Variants in RASA1 observed in about 807,000 individuals in gnomAD.
RASA1 encodes the protein ras GTPase-activating protein 1.
Under a neutral mutation model 132.2 loss-of-function variants are expected in RASA1, and 25 were observed. The observed-to-expected ratio is 0.19, with a 90% CI of 0.14 to 0.26. The LOEUF is 0.26. Among genes scored for constraint, RASA1 ranks in the 10% least tolerant of loss-of-function variants. The pLI is 1.00. For missense variants in RASA1, 964 were observed against 1,299.2 expected (o/e 0.74, Z 3.97); for synonymous variants, 477 against 449.9 (o/e 1.06, Z -0.76).
intron 1 of RASA1, among the ~76,000 whole-genome samples, chr5:87,296,406 C>T (rs1250668704): frequency 6.6e-6 from 1 of 152,112 alleles, no homozygotes; most frequent in Non-Finnish European, 1.5e-5. Context: ...ATTTTGCCTT[C>T]ACTTGTTCTC....
chr5:87,311,942 T>G (rs1755948615), intron 1 of RASA1, among the ~76,000 whole-genome samples: 1 of 152,238 alleles, frequency 6.6e-6, no homozygotes, highest in South Asian at 2.1e-4. Context: ...CTTTGGAATA[T>G]CCAAGGTGTG....
chr5:87,381,300 A>G (rs753529218), intron 20 of RASA1, among the ~76,000 whole-genome samples: 10 of 152,212 alleles, frequency 6.6e-5, no homozygotes, highest in Admixed American at 2.0e-4. Context: ...TAACTTTCTA[A>G]GACCCAATCT....
intron 7 of RASA1, 98 bp downstream of exon 7, chr5:87,346,822 G>A (rs1452496441): frequency 3.4e-6 from 3 of 882,558 alleles, no homozygotes; most frequent in South Asian, 1.5e-5. Flanking sequence ...CATTCAGTTA[G>A]TGTTTATGCA....
At position 87,390,963 on chromosome 5, in the gene RASA1, T is replaced by C. The variant is rs1762470822; in HGVS notation, c.*80T>C. 2 of 1,409,584 alleles carry C rather than the reference T, an allele frequency of 1.4e-6. No homozygotes were observed. The highest frequency in any genetic ancestry group is 1.4e-5 in the African/African-American group (1 of 69,906). 87.3% of individuals were successfully genotyped at this position (1,409,584 alleles called of 1,614,324 possible). A position where few individuals can be genotyped will look rare whatever the true frequency, so the allele number is the denominator to read the frequency against. ...CTTCAGTTTAATGTCTCCTTTGCTC[T>C]TGCCAAAAAATAGCACACTTTTCCA... On this transcript the variant is annotated 3_prime_UTR_variant, in exon 25 of 25. Transcript: ENST00000274376.
rs201658011 is a variant in RASA1, at chr5:87,369,939, G to A, written c.1698+39G>A. 243 of 1,491,732 alleles carry A rather than the reference G, an allele frequency of 1.6e-4. No individual in the cohort carries two copies. In the African/African-American group the frequency reaches 2.7e-3, roughly 17 times the overall value. 92.4% of individuals were successfully genotyped at this position (1,491,732 alleles called of 1,614,324 possible). A position where few individuals can be genotyped will look rare whatever the true frequency, so the allele number is the denominator to read the frequency against. On this transcript the variant is annotated intron_variant, in intron 12 of 24. Transcript: ENST00000274376. Reference sequence around the variant, plus strand: ...TTCTCAAACTACAGTATACTTTTATGTTAGCCCATGTTTTCTTATTAACTG... The same window carrying A: ...TTCTCAAACTACAGTATACTTTTATATTAGCCCATGTTTTCTTATTAACTG...
At chr5:87,369,985 C>T (rs1408803724) in intron 12 of RASA1, 85 bp downstream of exon 12, 2 of 1,147,056 alleles carry the variant, frequency 1.7e-6, no homozygotes, top group Admixed American at 1.9e-5. Flanking sequence ...TGATCGCATT[C>T]AAGATAAAGT....
chr5:87,288,222 C>T (rs554024784), intron 1 of RASA1, among the ~76,000 whole-genome samples: 1 of 150,586 alleles, frequency 6.6e-6, no homozygotes, highest in East Asian at 1.9e-4. Flanking sequence ...TTTTATGCCT[C>T]TCCATTTACT....
At chr5:87,287,130 C>CAT (rs979998542) in intron 1 of RASA1, among the ~76,000 whole-genome samples, 8 of 133,784 alleles carry the variant, frequency 6.0e-5, no homozygotes, top group South Asian at 4.8e-4. Flanking sequence ...ATATACACAC[C>CAT]ATATATATAT....
chr5:87,325,673 A>T (rs1757177827), intron 1 of RASA1, among the ~76,000 whole-genome samples: 1 of 152,244 alleles, frequency 6.6e-6, no homozygotes, highest in African/African-American at 2.4e-5. Context: ...AGTGGAAAGT[A>T]AAAGTAATCT....
chr5:87,350,280 A>G (rs914804489), intron 8 of RASA1, among the ~76,000 whole-genome samples: 1 of 151,858 alleles, frequency 6.6e-6, no homozygotes, highest in Non-Finnish European at 1.5e-5. Flanking sequence ...TACCTCATAT[A>G]CAGGTTGCTT....
chr5:87,340,923 A>G (rs1758386564), intron 5 of RASA1, among the ~76,000 whole-genome samples: 1 of 152,150 alleles, frequency 6.6e-6, no homozygotes, highest in Non-Finnish European at 1.5e-5. Context: ...AAACGACTTC[A>G]GTTGCAGAAT....
chr5:87,301,067 C>T (rs1755337530), intron 1 of RASA1, among the ~76,000 whole-genome samples: 1 of 152,162 alleles, frequency 6.6e-6, no homozygotes, highest in Admixed American at 6.5e-5. Context: ...GTTGTGGCCT[C>T]TACAAACATT....
intron 6 of RASA1, among the ~76,000 whole-genome samples, chr5:87,344,566 G>GT (rs1758707425): frequency 6.6e-6 from 1 of 151,952 alleles, no homozygotes; most frequent in South Asian, 2.1e-4. Context: ...CCGGAGTGCA[G>GT]TAGTGCTATC....
chr5:87,274,487 T>C (rs1417742076), intron 1 of RASA1, among the ~76,000 whole-genome samples: 2 of 152,110 alleles, frequency 1.3e-5, no homozygotes, highest in Admixed American at 6.5e-5. Context: ...TTACGGACAA[T>C]GATTGATGAC....
At chr5:87,385,444 T>C in intron 22 of RASA1, 55 bp downstream of exon 22, 2 of 1,320,900 alleles carry the variant, frequency 1.5e-6, no homozygotes, top group Non-Finnish European at 2.2e-6. Flanking sequence ...TTTGACATGA[T>C]AAAACCATAA....
chr5:87,334,725 G>A (rs1024381348), intron 4 of RASA1, among the ~76,000 whole-genome samples: 2 of 152,198 alleles, frequency 1.3e-5, no homozygotes, highest in Admixed American at 1.3e-4. Context: ...ATTGAAGAGT[G>A]TTGTTGATGA....
At chr5:87,306,580 A>G (rs1040323389) in intron 1 of RASA1, among the ~76,000 whole-genome samples, 5 of 152,142 alleles carry the variant, frequency 3.3e-5, no homozygotes, top group Non-Finnish European at 7.4e-5. Context: ...TTACTTATGT[A>G]ACAATCCTGC....
chr5:87,301,156 C>T (rs1026613790), intron 1 of RASA1, among the ~76,000 whole-genome samples: 6 of 152,128 alleles, frequency 3.9e-5, no homozygotes, highest in Admixed American at 6.5e-5. Flanking sequence ...CTGGACAACA[C>T]ATTGTTATAA....
chr5:87,383,512 GAT>G (rs945607697), intron 20 of RASA1, among the ~76,000 whole-genome samples, 199 bp from the exon 21 acceptor site: 1 of 151,934 alleles, frequency 6.6e-6, no homozygotes, highest in African/African-American at 2.4e-5. Context: ...TCAAGAAGCA[GAT>G]ATATATATTC....
Sources: gnomAD v4.1 joint callset for allele counts (sites outside exome capture counted in the v4.1 genomes callset) on GRCh38, gnomAD v4.1.1 for gene constraint, MANE v1.5 for transcripts, NCBI Gene and HGNC (gene_info 2026-07-23, HGNC 2026-07-21) for gene names.